Variants in RERE observed in about 807,000 individuals in gnomAD.
RERE encodes arginine-glutamic acid dipeptide repeats protein.
A neutral mutation model predicts 146.1 loss-of-function variants in RERE; 40 were observed. The ratio of observed to expected loss-of-function variants is 0.27; its 90% CI spans 0.21 to 0.36. The LOEUF (loss-of-function observed/expected upper bound fraction) is 0.36. RERE is among the 10% of genes least tolerant of loss of function. The probability of loss-of-function intolerance (pLI) is 1.00; values close to 1 mark genes in which losing one functional copy is unlikely to be tolerated. For synonymous variants in RERE, 1,003 were observed against 866.0 expected (o/e 1.16, Z -2.78); for missense variants, 1,933 against 2,138.7 (o/e 0.90, Z 1.90).
intron 12 of RERE, among the ~76,000 whole-genome samples, chr1:8,376,093 T>TA (rs1209257331): frequency 6.6e-6 from 1 of 152,222 alleles, no homozygotes; most frequent in African/African-American, 2.4e-5. Flanking sequence ...CCCTTAACCT[T>TA]AGACTCTGCT....
chr1:8,646,349 A>G (rs941344815), intron 2 of RERE, among the ~76,000 whole-genome samples: 2 of 152,098 alleles, frequency 1.3e-5, no homozygotes, highest in African/African-American at 2.4e-5. Flanking sequence ...CTAGACAACA[A>G]AACAAGATCC....
intron 7 of RERE, among the ~76,000 whole-genome samples, chr1:8,536,336 C>T (rs1645726781): frequency 6.6e-6 from 1 of 152,026 alleles, no homozygotes; most frequent in Non-Finnish European, 1.5e-5. Context: ...CCCAGGCCAC[C>T]CAGATCCAAG....
At chr1:8,808,617 A>C (rs1491001438) in intron 1 of RERE, among the ~76,000 whole-genome samples, 2 of 152,220 alleles carry the variant, frequency 1.3e-5, no homozygotes, top group Non-Finnish European at 2.9e-5. Flanking sequence ...AACCTGCCCG[A>C]AGTCACAGAG....
In RERE at chr1:8,501,035, G is replaced by GC. The variant is rs1557660928; in HGVS notation, c.880-3507_880-3506insG. ...CCGGCAGCCACCCCGTCCGGGAGGG[G>GC]GGGGGGGGGTCAGCCCCCCGCCCGG... On this transcript the variant is annotated intron_variant, in intron 8 of 22. Coordinates refer to ENST00000400908, the MANE Select transcript of RERE (RefSeq NM_001042681.2). 4.9e-5 allele frequency among the ~76,000 whole-genome samples: 6 copies of GC among 122,572 alleles called. 1 individual carries two copies. Among genetic ancestry groups the GC allele is most frequent in the Admixed American group, 3.0e-4 (4 of 13,318 alleles). 80.4% of individuals were successfully genotyped at this position (122,572 alleles called of 152,430 possible). A position where few individuals can be genotyped will look rare whatever the true frequency, so the allele number is the denominator to read the frequency against.
intron 2 of RERE, among the ~76,000 whole-genome samples, chr1:8,636,178 G>C (rs1403851064): frequency 6.6e-6 from 1 of 152,170 alleles, no homozygotes; most frequent in Admixed American, 6.5e-5. Context: ...AGTAGAGACA[G>C]GGTTTCACCT....
chr1:8,746,208 A>G (rs1021088678), intron 1 of RERE, among the ~76,000 whole-genome samples: 1 of 152,216 alleles, frequency 6.6e-6, no homozygotes, highest in Non-Finnish European at 1.5e-5. Flanking sequence ...ATCTCTGTTC[A>G]AAGAGATTGT....
intron 1 of RERE, among the ~76,000 whole-genome samples, chr1:8,722,534 G>A (rs1238090810): frequency 6.6e-6 from 1 of 152,200 alleles, no homozygotes; most frequent in Non-Finnish European, 1.5e-5. Context: ...TAAAGCCACA[G>A]ACTTGGCCTT....
At chr1:8,489,360 A>T (rs1333173449) in intron 10 of RERE, among the ~76,000 whole-genome samples, 1 of 151,960 alleles carries the variant, frequency 6.6e-6, no homozygotes, top group Non-Finnish European at 1.5e-5. Flanking sequence ...ACTTAAAAAA[A>T]AAAAGAAAAA....
intron 1 of RERE, among the ~76,000 whole-genome samples, chr1:8,794,985 TTTA>T (rs1171397525): frequency 6.6e-6 from 1 of 151,848 alleles, no homozygotes; most frequent in Admixed American, 6.6e-5. Flanking sequence ...GCTAATATTT[TTTA>T]TTATTTTTGT....
chr1:8,723,836 A>T (rs1336397629), intron 1 of RERE, among the ~76,000 whole-genome samples: 1 of 152,234 alleles, frequency 6.6e-6, no homozygotes, highest in Non-Finnish European at 1.5e-5. Flanking sequence ...GAAACAACCT[A>T]CTTTCTAGCT....
chr1:8,372,605 G>A (rs1220456160), intron 12 of RERE, among the ~76,000 whole-genome samples: 3 of 150,356 alleles, frequency 2.0e-5, no homozygotes, highest in African/African-American at 4.9e-5. Flanking sequence ...ACCCCCTTTC[G>A]ATTCAGTTCA....
intron 2 of RERE, among the ~76,000 whole-genome samples, chr1:8,643,305 T>C (rs1167977106): frequency 6.6e-6 from 1 of 152,216 alleles, no homozygotes; most frequent in East Asian, 1.9e-4. Context: ...TTTCAACATG[T>C]TTTTGCTCAT....
intron 11 of RERE, among the ~76,000 whole-genome samples, chr1:8,463,274 G>A (rs181705971): frequency 2.0e-5 from 3 of 152,146 alleles, no homozygotes; most frequent in Admixed American, 6.6e-5. Context: ...TGATCCTGAG[G>A]CTCTACAAGG....
intron 1 of RERE, among the ~76,000 whole-genome samples, chr1:8,795,874 C>G (rs1641460377): frequency 6.6e-6 from 1 of 150,856 alleles, no homozygotes; most frequent in Non-Finnish European, 1.5e-5. Context: ...CCCAACTACT[C>G]AGGAGGCTGA....
Position 8,428,453 on chromosome 1 carries a change from C to T in RERE, c.1204-5646G>A, listed in dbSNP as rs965574237. 3.9e-5 allele frequency: 6 copies of T among 152,182 alleles called. No individual in the cohort carries two copies. In the South Asian group the frequency reaches 6.2e-4, roughly 16 times the overall value. The allele number at this position is 152,182 out of a possible 1,614,324, so 9.4% of individuals were successfully genotyped here. A position where few individuals can be genotyped will look rare whatever the true frequency, so the allele number is the denominator to read the frequency against. On this transcript the variant is annotated intron_variant, in intron 11 of 22. Coordinates refer to ENST00000400908, the MANE Select transcript of RERE (RefSeq NM_001042681.2). ...GATTGTTGCTTTGTGTTACAACTTA[C>T]GTTTATGATTTTGTGCTCTAATTTT...
chr1:8,360,302 G>A lies in RERE; in HGVS notation c.3205C>T (p.Pro1069Ser), dbSNP rs1417620233. 1 of 1,547,986 alleles carries A rather than the reference G, an allele frequency of 6.5e-7. No homozygotes were observed. The highest frequency in any genetic ancestry group is 1.9e-5 in the Admixed American group (1 of 52,024). The change falls in exon 18 of 23, where the codon CCC becomes TCC. Residue 1069 changes from proline (P) to serine (S), a missense_variant. Around this residue, in one of 11 missense-constraint regions of RERE, gnomAD observed 1,255 missense variants for 1,153.8 expected, o/e 1.09. Transcript: ENST00000400908. ...CCTGAAGCCGCCGCACCAGAGCAGG[G>A]TGGCTGGGCCGAGGTGCCAGGTCCC... ...PAGPGTSAQP[P>S]CSGAAASGGS... is the part of the protein sequence containing the mutation.
Position 8,540,940 on chromosome 1 carries a change from T to A in RERE, c.830+274A>T, listed in dbSNP as rs1570412292. 1.3e-5 allele frequency among the ~76,000 whole-genome samples: 2 copies of A among 152,210 alleles called. 1 individual carries two copies. The highest frequency in any genetic ancestry group is 4.1e-4 in the South Asian group (2 of 4,830). The stretch of plus-strand genomic sequence containing the variant: ...ATTCAAAATACAGATAAACTAAAAG[T>A]ATATCTTTATCCCACCTTCTTTCAA... On this transcript the variant is annotated intron_variant, in intron 7 of 22. Transcript: ENST00000400908.
In RERE at chr1:8,359,794, T is replaced by TCC; in HGVS notation, c.3587_3588insGG (p.Arg1198SerfsTer60). ...CCCGCTCTGCCTCGCGCTCCCGCTC[T>TCC]CGCTCCCGCTCCCGCTCCTTCTCCT... On this transcript the variant is annotated frameshift_variant, in exon 19 of 23. Coordinates refer to ENST00000400908, the MANE Select transcript of RERE (RefSeq NM_001042681.2). LOFTEE classifies it high-confidence loss of function. The TCC allele has an allele frequency of 6.2e-7, 1 of 1,601,614 alleles. No homozygotes were observed. Among genetic ancestry groups the TCC allele is most frequent in the Non-Finnish European group, 8.5e-7 (1 of 1,178,768 alleles).
chr1:8,515,356 T>C, intron 7 of RERE, among the ~76,000 whole-genome samples: 1 of 151,916 alleles, frequency 6.6e-6, no homozygotes, highest in East Asian at 1.9e-4. Context: ...AGAGCTAGAC[T>C]GTCTTTAAAA....
Sources: allele counts gnomAD v4.1 joint callset (sites outside exome capture counted in the v4.1 genomes callset), GRCh38; gene constraint gnomAD v4.1.1; regional missense constraint gnomAD v4.1.1; transcripts MANE v1.5; gene names NCBI Gene and HGNC (gene_info 2026-07-23, HGNC 2026-07-21).